ARHGAP26: variants seen among roughly 807,000 people sequenced by gnomAD.
The protein encoded by ARHGAP26 is rho GTPase-activating protein 26.
In ARHGAP26, 38 loss-of-function variants were observed where a neutral mutation model predicts 104.8. That is an observed-to-expected ratio of 0.36 (90% CI 0.28 to 0.48). The LOEUF (loss-of-function observed/expected upper bound fraction) is 0.48. Ranked by LOEUF, ARHGAP26 falls within the 20% of genes least tolerant of loss-of-function variation. The pLI is 0.99. For missense variants in ARHGAP26, 704 were observed against 947.9 expected (o/e 0.74, Z 3.38); for synonymous variants, 341 against 340.0 (o/e 1.00, Z -0.03).
intron 1 of ARHGAP26, among the ~76,000 whole-genome samples, chr5:142,809,491 A>G (rs1246318519): frequency 6.6e-6 from 1 of 152,100 alleles, no homozygotes; most frequent in Non-Finnish European, 1.5e-5. Context: ...TGTCCTGGAG[A>G]AAGTCAAGAT....
intron 20 of ARHGAP26, among the ~76,000 whole-genome samples, chr5:143,186,989 A>AT (rs1805246014): frequency 6.6e-6 from 1 of 152,158 alleles, no homozygotes; most frequent in South Asian, 2.1e-4. Flanking sequence ...TAAAAGCAGC[A>AT]TTTTTTCAGG....
intron 13 of ARHGAP26, among the ~76,000 whole-genome samples, chr5:143,039,375 T>G (rs570937486): frequency 1.3e-5 from 2 of 152,134 alleles, no homozygotes; most frequent in Admixed American, 6.5e-5. Flanking sequence ...GCCCAGCTAA[T>G]TTTTGTACTT....
At chr5:143,117,830 A>T (rs186793651) in intron 17 of ARHGAP26, among the ~76,000 whole-genome samples, 1 of 152,242 alleles carries the variant, frequency 6.6e-6, no homozygotes, top group African/African-American at 2.4e-5. Context: ...AATCATTTGA[A>T]GTTTAATGAG....
intron 1 of ARHGAP26, among the ~76,000 whole-genome samples, chr5:142,792,339 CT>C (rs1450783998): frequency 6.6e-6 from 1 of 152,188 alleles, no homozygotes; most frequent in Admixed American, 6.5e-5. Flanking sequence ...ATTTTTTAGG[CT>C]TGCTAAGTAA....
chr5:142,804,798 G>C (rs567165240), intron 1 of ARHGAP26, among the ~76,000 whole-genome samples: 1 of 152,048 alleles, frequency 6.6e-6, no homozygotes, highest in African/African-American at 2.4e-5. Context: ...GGGCTGAACA[G>C]ATTTTTTTTT....
intron 1 of ARHGAP26, among the ~76,000 whole-genome samples, chr5:142,799,404 A>G (rs1209142709): frequency 6.6e-6 from 1 of 152,158 alleles, no homozygotes; most frequent in Non-Finnish European, 1.5e-5. Flanking sequence ...GTCAAGACGA[A>G]TGTCTTAATT....
chr5:142,823,842 C>T (rs1034974316), intron 1 of ARHGAP26, among the ~76,000 whole-genome samples: 1 of 152,158 alleles, frequency 6.6e-6, no homozygotes, highest in Non-Finnish European at 1.5e-5. Context: ...TTCTGTCTAC[C>T]ACTGCTTTGG....
intron 20 of ARHGAP26, among the ~76,000 whole-genome samples, chr5:143,180,262 A>G (rs976138702): frequency 2.6e-5 from 4 of 152,246 alleles, no homozygotes; most frequent in African/African-American, 9.6e-5. Flanking sequence ...AGGGGCTGGG[A>G]CTACAGGTGC....
intron 3 of ARHGAP26, among the ~76,000 whole-genome samples, chr5:142,877,854 G>C (rs887559313): frequency 2.0e-4 from 31 of 152,308 alleles, no homozygotes; most frequent in Non-Finnish European, 4.6e-4. Flanking sequence ...GAGAATCATT[G>C]ACTTTAGGGG....
chr5:142,919,363 C>A (rs1413015869), intron 10 of ARHGAP26: 6 of 398,518 alleles, frequency 1.5e-5, no homozygotes, highest in Non-Finnish European at 2.7e-5. Flanking sequence ...GCAGATTCTT[C>A]CTCACAGACC....
intron 1 of ARHGAP26, among the ~76,000 whole-genome samples, chr5:142,814,695 A>C (rs1359594625): frequency 6.6e-6 from 1 of 152,318 alleles, no homozygotes; most frequent in South Asian, 2.1e-4. Context: ...GAGTCCCACT[A>C]ACCCGCATTC....
intron 1 of ARHGAP26, among the ~76,000 whole-genome samples, chr5:142,828,972 C>A (rs192578290): frequency 2.4e-4 from 37 of 152,318 alleles, no homozygotes; most frequent in African/African-American, 8.7e-4. Flanking sequence ...TAAAGTGTTT[C>A]TGTGTGCTCA....
intron 1 of ARHGAP26, among the ~76,000 whole-genome samples, chr5:142,820,508 A>G (rs1765948610): frequency 1.3e-5 from 2 of 152,256 alleles, no homozygotes; most frequent in South Asian, 4.2e-4. Context: ...CCTGGAGCTG[A>G]AGGCGGTAGA....
At chr5:143,166,041 G>T (rs536950467) in intron 20 of ARHGAP26, 3 of 1,322,592 alleles carry the variant, frequency 2.3e-6, no homozygotes, top group South Asian at 2.5e-5. Context: ...TGGGGATTTG[G>T]AATGTGTTTG....
intron 11 of ARHGAP26, among the ~76,000 whole-genome samples, chr5:142,941,080 A>G (rs1766262977): frequency 6.7e-6 from 1 of 148,646 alleles, no homozygotes; most frequent in Non-Finnish European, 1.5e-5. Flanking sequence ...ATCTCAAAAA[A>G]AAAAAAAAAA....
intron 11 of ARHGAP26, among the ~76,000 whole-genome samples, chr5:142,963,887 AAC>A (rs1770823650): frequency 6.6e-6 from 1 of 152,236 alleles, no homozygotes; most frequent in African/African-American, 2.4e-5. Context: ...TCAGAAATTT[AAC>A]AGAGTGGAAA....
chr5:143,069,129 G>A (rs192702002), intron 17 of ARHGAP26, among the ~76,000 whole-genome samples: 86 of 152,212 alleles, frequency 5.7e-4, no homozygotes, highest in African/African-American at 1.9e-3. Context: ...GGTCTTCCTC[G>A]ATTGTTTTAA....
intron 11 of ARHGAP26, among the ~76,000 whole-genome samples, chr5:142,966,922 GA>G (rs1322213964): frequency 6.6e-6 from 1 of 152,112 alleles, no homozygotes; most frequent in African/African-American, 2.4e-5. Flanking sequence ...ACTGAATGCA[GA>G]AAAATGCTTA....
chr5:142,947,820 A>G (rs756287951), intron 11 of ARHGAP26, among the ~76,000 whole-genome samples: 2 of 152,192 alleles, frequency 1.3e-5, no homozygotes, highest in Non-Finnish European at 2.9e-5. Context: ...CCCCTGGCCA[A>G]GATCGTTGAG....
Sources: gnomAD v4.1 joint callset for allele counts (sites outside exome capture counted in the v4.1 genomes callset) on GRCh38, gnomAD v4.1.1 for gene constraint, MANE v1.5 for transcripts, NCBI Gene and HGNC (gene_info 2026-07-23, HGNC 2026-07-21) for gene names.